Variants in INSC observed in about 807,000 individuals in gnomAD.
INSC encodes INSC spindle orientation adaptor protein.
INSC carries 67 observed loss-of-function variants against 58.6 expected under a neutral mutation model. The observed-to-expected ratio is 1.14, with a 90% CI of 0.94 to 1.40. The LOEUF (loss-of-function observed/expected upper bound fraction) is 1.40. Ranked by LOEUF, INSC falls within the 40% of genes most tolerant of loss-of-function variation. The pLI, the probability that INSC is intolerant of heterozygous loss-of-function variation, is 0.00. For synonymous variants in INSC, 262 were observed against 276.1 expected, an observed-to-expected ratio of 0.95 and a Z score of 0.51; for missense variants, 714 against 692.0, an observed-to-expected ratio of 1.03 and a Z score of -0.36.
At chr11:15,159,658 A>G (rs1181764292) in intron 2 of INSC, among the ~76,000 whole-genome samples, 1 of 152,200 alleles carries the variant, frequency 6.6e-6, no homozygotes, top group Non-Finnish European at 1.5e-5. Flanking sequence ...CTAGACACTG[A>G]TGAGCTGGGT....
At chr11:15,152,193 C>T (rs1848675580) in intron 2 of INSC, among the ~76,000 whole-genome samples, 1 of 152,072 alleles carries the variant, frequency 6.6e-6, no homozygotes, top group Non-Finnish European at 1.5e-5. Context: ...GGATCAATGC[C>T]TGTGGAAGGG....
At chr11:15,179,906 G>A (rs1039474397) in intron 5 of INSC, among the ~76,000 whole-genome samples, 1 of 152,234 alleles carries the variant, frequency 6.6e-6, no homozygotes. Flanking sequence ...GGTGCTGGCT[G>A]TTGCTTTTTA....
At chr11:15,166,444 C>A (rs771897697) in intron 2 of INSC, among the ~76,000 whole-genome samples, 1 of 152,122 alleles carries the variant, frequency 6.6e-6, no homozygotes, top group Non-Finnish European at 1.5e-5. Context: ...ACTTGCCCAA[C>A]ACTTAAACTT....
At chr11:15,210,351 C>T (rs879780980) in intron 7 of INSC, among the ~76,000 whole-genome samples, 20 of 93,274 alleles carry the variant, frequency 2.1e-4, no homozygotes, top group Non-Finnish European at 3.1e-4. Context: ...AGATGTTTAG[C>T]TGGCAGGGCT....
intron 2 of INSC, among the ~76,000 whole-genome samples, chr11:15,171,802 A>T (rs1849409535): frequency 6.6e-6 from 1 of 152,218 alleles, no homozygotes; most frequent in African/African-American, 2.4e-5. Flanking sequence ...GAACAACTGA[A>T]GTTGCCATTG....
At chr11:15,229,092 C>T (rs1851749507) in intron 9 of INSC, among the ~76,000 whole-genome samples, 1 of 152,080 alleles carries the variant, frequency 6.6e-6, no homozygotes, top group South Asian at 2.1e-4. Context: ...TGTTGGTGAA[C>T]TTCTGGCCTA....
intron 2 of INSC, among the ~76,000 whole-genome samples, chr11:15,167,442 C>G (rs547015244): frequency 1.8e-4 from 27 of 152,130 alleles, no homozygotes; most frequent in African/African-American, 6.3e-4. Context: ...TTTAAACAAT[C>G]TCTATAAATA....
chr11:15,258,741 C>A, the INSC span, among the ~76,000 whole-genome samples: 1 of 152,150 alleles, frequency 6.6e-6, no homozygotes, highest in Non-Finnish European at 1.5e-5. Context: ...GACTCTCTGA[C>A]CTGGGGCGGG....
intron 7 of INSC, 134 bp from the exon 8 acceptor site, chr11:15,221,343 G>C (rs1307995444): frequency 1.0e-6 from 1 of 978,112 alleles, no homozygotes; most frequent in Non-Finnish European, 1.5e-6. Context: ...GTTCCACATG[G>C]GGTCCTGGGC....
the INSC span, among the ~76,000 whole-genome samples, chr11:15,262,566 T>C: frequency 6.6e-6 from 1 of 152,020 alleles, no homozygotes; most frequent in South Asian, 2.1e-4. Flanking sequence ...CAGGTCTTGA[T>C]TCTTGGCACC....
intron 7 of INSC, among the ~76,000 whole-genome samples, chr11:15,208,886 G>T (rs896190885): frequency 6.6e-6 from 1 of 152,216 alleles, no homozygotes; most frequent in Non-Finnish European, 1.5e-5. Flanking sequence ...GTTGAGGCTG[G>T]TGGTCTCTGG....
chr11:15,162,598 C>T (rs1397485145), intron 2 of INSC, among the ~76,000 whole-genome samples: 1 of 152,176 alleles, frequency 6.6e-6, no homozygotes, highest in Non-Finnish European at 1.5e-5. Flanking sequence ...TGTTGTCTGT[C>T]TTCCCCTGCT....
intron 2 of INSC, among the ~76,000 whole-genome samples, chr11:15,166,189 C>G (rs1371747356): frequency 6.6e-6 from 1 of 152,172 alleles, no homozygotes; most frequent in Admixed American, 6.5e-5. Flanking sequence ...ACAGACACTT[C>G]TCAAGGGCTT....
At chr11:15,228,215 C>A (rs1195078801) in intron 9 of INSC, among the ~76,000 whole-genome samples, 1 of 152,156 alleles carries the variant, frequency 6.6e-6, no homozygotes, top group African/African-American at 2.4e-5. Context: ...AGAGGAGTCC[C>A]CTCATCTGTA....
At chr11:15,236,913 C>A (rs974930140) in intron 10 of INSC, among the ~76,000 whole-genome samples, 1 of 152,176 alleles carries the variant, frequency 6.6e-6, no homozygotes. Context: ...TAATGAGAAA[C>A]TTTGCTGAGC....
At chr11:15,187,449 G>A (rs1428381318) in intron 5 of INSC, among the ~76,000 whole-genome samples, 2 of 152,090 alleles carry the variant, frequency 1.3e-5, no homozygotes, top group Non-Finnish European at 2.9e-5. Flanking sequence ...TACTATGTCT[G>A]ACTTATGGAC....
chr11:15,117,213 A>G lies in INSC; in HGVS notation c.-46+2210A>G, dbSNP rs1340641087. Among the ~76,000 whole-genome samples the G allele has an allele frequency of 2.0e-5, 3 of 152,068 alleles. No individual in the cohort carries two copies. In the East Asian group the frequency reaches 5.8e-4, roughly 30 times the overall value. On this transcript the variant is annotated intron_variant, in intron 1 of 12. Coordinates refer to ENST00000379556, the MANE Select transcript of INSC (RefSeq NM_001042536.3). ...TGCCTAGGCCTCCGATACTGCTGGG[A>G]TAACAGGTGTGAGCCACCATGCCTG...
chr11:15,257,552 C>T, the INSC span, among the ~76,000 whole-genome samples: 3 of 151,712 alleles, frequency 2.0e-5, no homozygotes, highest in Non-Finnish European at 2.9e-5. Context: ...AACTCCTAAC[C>T]ACCCCCCCGC....
chr11:15,140,771 G>C (rs1490272616), intron 1 of INSC, among the ~76,000 whole-genome samples: 3 of 151,748 alleles, frequency 2.0e-5, no homozygotes, highest in Admixed American at 1.3e-4. Flanking sequence ...TTTTTGTAGA[G>C]ATGGGGTCTT....
Sources: allele counts gnomAD v4.1 joint callset (sites outside exome capture counted in the v4.1 genomes callset), GRCh38; gene constraint gnomAD v4.1.1; transcripts MANE v1.5; gene names NCBI Gene and HGNC (gene_info 2026-07-23, HGNC 2026-07-21).